Variants in OGG1 observed in about 807,000 individuals in gnomAD.
OGG1 encodes 8-oxoguanine DNA glycosylase.
In OGG1, 35 loss-of-function variants were observed where a neutral mutation model predicts 42.3. That is an observed-to-expected ratio of 0.83 (90% CI 0.63 to 1.10). The LOEUF (loss-of-function observed/expected upper bound fraction) is 1.10, where lower values mean the gene tolerates loss of function less well. OGG1 is among the 50% of genes least tolerant of loss of function. OGG1 has a pLI of 0.00. For missense variants in OGG1, 484 were observed against 446.7 expected (o/e 1.08, Z -0.75); for synonymous variants, 189 against 179.0 (o/e 1.06, Z -0.44).
intron 7 of OGG1, among the ~76,000 whole-genome samples, chr3:9,765,466 A>G (rs777197954): frequency 2.0e-5 from 3 of 152,164 alleles, no homozygotes; most frequent in Non-Finnish European, 4.4e-5. Flanking sequence ...CAACTGAGAT[A>G]TGTGGGTCCA....
downstream of OGG1, chr3:9,789,777 C>A: frequency 6.2e-7 from 1 of 1,614,224 alleles, no homozygotes; most frequent in Non-Finnish European, 8.5e-7. Flanking sequence ...AATTCATATT[C>A]CTGGATCTTG....
At position 9,756,827 on chromosome 3, in the gene OGG1, C is replaced by T. The variant is rs764672668; in HGVS notation, c.948+11C>T. On this transcript the variant is annotated intron_variant, in intron 6 of 6. Coordinates refer to ENST00000344629, the MANE Select transcript of OGG1 (RefSeq NM_002542.6). ...GGCTGGGCCCAAGCGGTGAGTGTAC[C>T]TAGGTGTCCTCCCTAGGTTTCCTCT... 5 of 1,613,600 alleles carry T rather than the reference C, an allele frequency of 3.1e-6. No individual in the cohort carries two copies. In the African/African-American group the frequency reaches 6.7e-5, roughly 22 times the overall value.
downstream of OGG1, among the ~76,000 whole-genome samples, chr3:9,769,150 C>G (rs544020424): frequency 2.6e-5 from 4 of 151,946 alleles, no homozygotes; most frequent in African/African-American, 7.3e-5. Flanking sequence ...GCCCTGCACC[C>G]GAACACCTGC....
intron 2 of OGG1, among the ~76,000 whole-genome samples, chr3:9,778,028 A>T (rs1036958698): frequency 6.6e-6 from 1 of 152,224 alleles, no homozygotes; most frequent in Non-Finnish European, 1.5e-5. Flanking sequence ...ATGTTGGCTC[A>T]ACCACTCAAT....
downstream of OGG1, chr3:9,757,525 C>CGA (rs1559691300): frequency 6.2e-7 from 1 of 1,609,470 alleles, no homozygotes; most frequent in South Asian, 1.1e-5. This position sits in a 1 kb window ranked among gnomAD's most constrained non-coding sequence, Gnocchi z 4.5. Flanking sequence ...GATCATGACC[C>CGA]GAGGTCCAGG....
chr3:9,789,372 G>A (rs2078686728), downstream of OGG1: 6 of 742,214 alleles, frequency 8.1e-6, no homozygotes, highest in South Asian at 1.9e-5. Context: ...TAGGTGTCTG[G>A]AGGCACTGAT....
chr3:9,787,034 G>A, intron 3 of OGG1: 6 of 1,614,192 alleles, frequency 3.7e-6, no homozygotes, highest in African/African-American at 1.3e-5. Flanking sequence ...GAGGCGCTGC[G>A]TCAGGGCACC....
chr3:9,751,347 C>A (rs1316900428), intron 2 of OGG1, among the ~76,000 whole-genome samples, 155 bp downstream of exon 2: 1 of 152,140 alleles, frequency 6.6e-6, no homozygotes, highest in Non-Finnish European at 1.5e-5. Flanking sequence ...TAGAATAATG[C>A]CAGGCACATA....
downstream of OGG1, chr3:9,767,925 T>G (rs2078200347): frequency 3.2e-6 from 4 of 1,266,880 alleles, no homozygotes; most frequent in Non-Finnish European, 4.2e-6. Context: ...AACATTCATT[T>G]GTTTATTCAA....
chr3:9,767,622 C>T, downstream of OGG1: 1 of 1,611,988 alleles, frequency 6.2e-7, no homozygotes, highest in Non-Finnish European at 8.5e-7. Flanking sequence ...ACCCTGGACT[C>T]AGCCTCCCTC....
downstream of OGG1, chr3:9,761,027 A>G (rs992828213): frequency 1.5e-5 from 7 of 453,978 alleles, no homozygotes; most frequent in South Asian, 5.0e-5. Flanking sequence ...CACACCTCCA[A>G]TGTCTGGCTC....
chr3:9,775,743 A>G (rs2078355901), intron 2 of OGG1, among the ~76,000 whole-genome samples: 1 of 151,758 alleles, frequency 6.6e-6, no homozygotes, highest in South Asian at 2.1e-4. Flanking sequence ...AGGTTCAAGC[A>G]ATTCTCCTGC....
intron 3 of OGG1, chr3:9,787,714 G>C: frequency 7.6e-7 from 1 of 1,309,616 alleles, no homozygotes; most frequent in Non-Finnish European, 1.0e-6. Context: ...CTGTCTGTAT[G>C]AACTCTTTTT....
exon 8 of OGG1, chr3:9,765,864 G>T (rs760751220): frequency 2.5e-6 from 4 of 1,613,934 alleles, no homozygotes; most frequent in Non-Finnish European, 3.4e-6. Context: ...CTTATCTTCT[G>T]CCAGGATCAC....
At chr3:9,764,627 T>G (rs866741365) in intron 7 of OGG1, among the ~76,000 whole-genome samples, 1 of 109,396 alleles carries the variant, frequency 9.1e-6, no homozygotes. Context: ...GTTTTTTTTT[T>G]GTTTTTTTTT....
intron 1 of OGG1, 182 bp from the exon 2 acceptor site, chr3:9,750,763 C>A: frequency 1.2e-6 from 1 of 811,196 alleles, no homozygotes; most frequent in Non-Finnish European, 2.0e-6. Context: ...CAGGTGTGCG[C>A]CATGCCCGGT....
chr3:9,789,045 A>C (rs1016083119), downstream of OGG1, among the ~76,000 whole-genome samples: 6 of 152,170 alleles, frequency 3.9e-5, no homozygotes, highest in South Asian at 1.0e-3. Context: ...CATGTTGCCC[A>C]GGCTGGTCTC....
At chr3:9,779,126 G>A (rs2078404668) in intron 2 of OGG1, among the ~76,000 whole-genome samples, 1 of 152,062 alleles carries the variant, frequency 6.6e-6, no homozygotes, top group Non-Finnish European at 1.5e-5. Context: ...AGACGTTGTC[G>A]GTGGTCTATC....
intron 7 of OGG1, among the ~76,000 whole-genome samples, chr3:9,765,479 C>T (rs937752881): frequency 6.6e-5 from 10 of 152,104 alleles, no homozygotes; most frequent in African/African-American, 2.4e-4. Context: ...TGGGTCCAAG[C>T]CATGTTCAGG....
Sources: allele counts gnomAD v4.1 joint callset (sites outside exome capture counted in the v4.1 genomes callset), GRCh38; gene constraint gnomAD v4.1.1; non-coding constraint Gnocchi (gnomAD v3.1); transcripts MANE v1.5; gene names NCBI Gene and HGNC (gene_info 2026-07-23, HGNC 2026-07-21).